The following B3GALT1 variants were observed in gnomAD, a reference collection of about 807,000 sequenced individuals.
B3GALT1 encodes beta-1,3-galactosyltransferase 1.
A neutral mutation model predicts 23.2 loss-of-function variants in B3GALT1; 10 were observed. The ratio of observed to expected loss-of-function variants is 0.43; its 90% confidence interval spans 0.27 to 0.73. The LOEUF (loss-of-function observed/expected upper bound fraction) is 0.73. Ranked by LOEUF, B3GALT1 falls within the 30% of genes least tolerant of loss-of-function variation. The pLI is 0.21. For synonymous variants in B3GALT1, 156 were observed against 141.5 expected, an observed-to-expected ratio of 1.10 and a Z score of -0.73; for missense variants, 299 against 405.4, an observed-to-expected ratio of 0.74 and a Z score of 2.25.
chr2:167,513,677 CTT>C (rs1240362427), intron 2 of B3GALT1, among the ~76,000 whole-genome samples: 1 of 152,014 alleles, frequency 6.6e-6, no homozygotes, highest in East Asian at 1.9e-4. Context: ...TTAGCAAACT[CTT>C]ACTGAAACTT....
At chr2:167,733,916 A>T (rs1339065890) in intron 3 of B3GALT1, among the ~76,000 whole-genome samples, 1 of 152,124 alleles carries the variant, frequency 6.6e-6, no homozygotes. Context: ...GTTATGACCA[A>T]ATTCACTTGA....
chr2:167,715,828 A>G (rs1687133540), intron 3 of B3GALT1: 1 of 1,613,826 alleles, frequency 6.2e-7, no homozygotes, highest in Admixed American at 1.7e-5. Flanking sequence ...AAAGCATTTC[A>G]CCAAGTTTTT....
At chr2:167,517,920 C>T (rs770015636) in intron 2 of B3GALT1, among the ~76,000 whole-genome samples, 6 of 152,004 alleles carry the variant, frequency 3.9e-5, no homozygotes, top group Admixed American at 6.6e-5. Context: ...GATTGTGTGC[C>T]ACTCAAGTCT....
chr2:167,304,232 G>A (rs1245539221), intron 1 of B3GALT1, among the ~76,000 whole-genome samples: 4 of 152,160 alleles, frequency 2.6e-5, no homozygotes, highest in East Asian at 1.9e-4. Context: ...CTCTTAAGTC[G>A]TTTATGCAGC....
rs112005019 is a variant in B3GALT1, at chr2:167,297,273, A to T, written c.-511+3939A>T. Among the ~76,000 whole-genome samples, 1,124 of 152,200 alleles carry T rather than the reference A, an allele frequency of 7.4e-3. 14 individuals carry two copies. Among genetic ancestry groups the T allele is most frequent in the African/African-American group, 0.025 (1,052 of 41,564 alleles). ...TGCAAAGTCAAATCTACAGAACTTC[A>T]TTCAAAAGGGATGAGTGAATTTTAG... On this transcript the variant is annotated intron_variant, in intron 1 of 4. Transcript: ENST00000392690.
intron 2 of B3GALT1, among the ~76,000 whole-genome samples, chr2:167,642,911 G>C (rs1685681720): frequency 6.6e-6 from 1 of 152,058 alleles, no homozygotes; most frequent in Admixed American, 6.6e-5. Context: ...TCCTATTAAT[G>C]TGTAAAATGT....
intron 1 of B3GALT1, among the ~76,000 whole-genome samples, chr2:167,437,624 C>G (rs1382367766): frequency 6.6e-6 from 1 of 152,170 alleles, no homozygotes; most frequent in Non-Finnish European, 1.5e-5. Context: ...AATTCACTAC[C>G]CAAATGAAAT....
At position 167,869,334 on chromosome 2, in the gene B3GALT1, G is replaced by A; in HGVS notation, c.295G>A (p.Glu99Lys). Reference sequence around the variant, plus strand: ...ATTTGATGCCCGTCAGGCAATCAGAGAGACGTGGGGGGATGAGAACAACTT... The same window carrying A: ...ATTTGATGCCCGTCAGGCAATCAGAAAGACGTGGGGGGATGAGAACAACTT... ...KEFDARQAIR[E>K]TWGDENNFKG... The change falls in exon 5 of 5, where the codon GAG (glutamate) becomes AAG (lysine). Residue 99 changes from glutamate to lysine, a missense_variant. Physicochemically the swap from Glu to Lys is moderately conservative, Grantham distance 56 (BLOSUM62 1). This residue lies in a region of B3GALT1 where 162 missense variants were observed against 184.1 expected (regional missense o/e 0.88). Transcript: ENST00000392690. The surrounding 1 kb of genome is among the most constrained non-coding windows in gnomAD (Gnocchi z 6.4). 1 of 1,614,162 alleles carries A rather than the reference G, an allele frequency of 6.2e-7. No individual in the cohort carries two copies.
chr2:167,692,419 T>C (rs532064823), intron 3 of B3GALT1, among the ~76,000 whole-genome samples: 34 of 152,228 alleles, frequency 2.2e-4, no homozygotes, highest in Non-Finnish European at 3.5e-4. Flanking sequence ...AGAGTCTACC[T>C]TGCATCATAT....
chr2:167,632,909 C>T (rs867803839), intron 2 of B3GALT1, among the ~76,000 whole-genome samples: 1 of 152,052 alleles, frequency 6.6e-6, no homozygotes, highest in Admixed American at 6.6e-5. Context: ...AGGTTTTCTT[C>T]TAGGGGTTTT....
At chr2:167,503,205 C>T (rs1221052407) in intron 2 of B3GALT1, among the ~76,000 whole-genome samples, 2 of 152,096 alleles carry the variant, frequency 1.3e-5, no homozygotes, top group African/African-American at 2.4e-5. Flanking sequence ...CCCTTCATTT[C>T]TACCCAATCA....
In B3GALT1 at chr2:167,638,670, T is replaced by C. The variant is rs893762987; in HGVS notation, c.-409-8239T>C. Among the ~76,000 whole-genome samples the C allele has an allele frequency of 2.6e-5, 4 of 152,184 alleles. No individual in the cohort carries two copies. The East Asian group carries it at 7.7e-4, about 29-fold the overall frequency. On this transcript the variant is annotated intron_variant, in intron 2 of 4. Coordinates refer to ENST00000392690, the MANE Select transcript of B3GALT1 (RefSeq NM_020981.4). ...GGAACAATAAATTTGATAATAACAC[T>C]GGATCTATTAAGTTGTACAATTCTA...
intron 2 of B3GALT1, among the ~76,000 whole-genome samples, chr2:167,638,039 T>C (rs186756615): frequency 3.3e-5 from 5 of 152,110 alleles, no homozygotes; most frequent in Non-Finnish European, 7.4e-5. Context: ...CAAGTATTTG[T>C]CATGCACAGA....
At chr2:167,347,814 A>T (rs1386171153) in intron 1 of B3GALT1, among the ~76,000 whole-genome samples, 2 of 152,200 alleles carry the variant, frequency 1.3e-5, no homozygotes, top group Non-Finnish European at 2.9e-5. Context: ...TAGAAAAAGG[A>T]AACAAAACAA....
Position 167,803,206 on chromosome 2 carries a change from A to T in B3GALT1, c.-351-15466A>T, listed in dbSNP as rs111832600. On this transcript the variant is annotated intron_variant, in intron 3 of 4. Coordinates refer to ENST00000392690, the MANE Select transcript of B3GALT1 (RefSeq NM_020981.4). The stretch of plus-strand genomic sequence containing the variant: ...TCTACTTAGAGCCAATCCTTAAAAA[A>T]ATTGTGGTGAAGCAACAGTGCACTA... 5.3e-3 allele frequency among the ~76,000 whole-genome samples: 813 copies of T among 152,196 alleles called. 7 individuals carry two copies. The highest frequency in any genetic ancestry group is 0.018 in the African/African-American group (764 of 41,508).
intron 1 of B3GALT1, among the ~76,000 whole-genome samples, chr2:167,354,656 G>T (rs2105258313): frequency 6.6e-6 from 1 of 152,114 alleles, no homozygotes; most frequent in South Asian, 2.1e-4. Context: ...AATCTCTTAT[G>T]TCTGTTTTCT....
intron 1 of B3GALT1, among the ~76,000 whole-genome samples, chr2:167,411,211 A>C (rs951471172): frequency 6.6e-6 from 1 of 151,016 alleles, no homozygotes; most frequent in Non-Finnish European, 1.5e-5. Flanking sequence ...CATCAAGCTA[A>C]AAATCTTCTG....
chr2:167,738,546 G>A (rs911350747), intron 3 of B3GALT1, among the ~76,000 whole-genome samples: 2 of 152,112 alleles, frequency 1.3e-5, no homozygotes, highest in Non-Finnish European at 2.9e-5. Flanking sequence ...TCACCACAAT[G>A]GAGTTCTTAT....
chr2:167,828,990 CAGAG>C lies in B3GALT1; in HGVS notation c.-230+10201_-230+10204del, dbSNP rs1161679073. Among the ~76,000 whole-genome samples the C allele has an allele frequency of 2.0e-5, 3 of 152,174 alleles. No homozygotes were observed. In the East Asian group the frequency reaches 5.8e-4, roughly 29 times the overall value. On this transcript the variant is annotated intron_variant, in intron 4 of 4. Coordinates refer to ENST00000392690, the MANE Select transcript of B3GALT1 (RefSeq NM_020981.4). ...GACTGCCACAATCTGTGTACTATAA[CAGAG>C]AGAAACGTTTACCAAAAGTACGGTC... is the stretch of plus-strand genomic sequence containing the variant.
Sources: gnomAD v4.1 joint callset for allele counts (sites outside exome capture counted in the v4.1 genomes callset) on GRCh38, gnomAD v4.1.1 for gene constraint, gnomAD v4.1.1 regional missense constraint, Gnocchi (gnomAD v3.1) non-coding constraint, MANE v1.5 for transcripts, NCBI Gene and HGNC (gene_info 2026-07-23, HGNC 2026-07-21) for gene names.